The following GOLM2 variants were observed in gnomAD, a reference collection of about 807,000 sequenced individuals.
The protein encoded by GOLM2 is protein GOLM2.
GOLM2 carries 26 observed loss-of-function variants against 55.9 expected under a neutral mutation model. The observed-to-expected ratio is 0.47, with a 90% CI of 0.34 to 0.65. The LOEUF (loss-of-function observed/expected upper bound fraction) is 0.65, where lower values mean the gene tolerates loss of function less well. Ranked by LOEUF, GOLM2 falls within the 30% of genes least tolerant of loss-of-function variation. The pLI is 0.01. For missense variants in GOLM2, 486 were observed against 531.8 expected, an observed-to-expected ratio of 0.91 and a Z score of 0.85; for synonymous variants, 165 against 194.6, an observed-to-expected ratio of 0.85 and a Z score of 1.27.
chr15:44,379,776 A>C lies in GOLM2; in HGVS notation c.889A>C (p.Asn297His). Residue 297 changes from asparagine to histidine, a missense_variant, in exon 7 of 10, where the codon AAT becomes CAT. Asn to His is a moderately conservative substitution (Grantham distance 68, BLOSUM62 1). Transcript: ENST00000299957. ...TCCAACTGGACAACCTCTCTCCCCA[A>C]ATATGCCTCCAGGTATGAAGGCTTA... ...HLPTGQPLSP[N>H]MPPDSHINHN... 1 of 1,604,350 alleles carries C rather than the reference A, an allele frequency of 6.2e-7. No homozygotes were observed. Among genetic ancestry groups the C allele is most frequent in the Non-Finnish European group, 8.5e-7 (1 of 1,171,404 alleles).
At chr15:44,294,571 G>A (rs1262149795) in intron 1 of GOLM2, among the ~76,000 whole-genome samples, 2 of 151,888 alleles carry the variant, frequency 1.3e-5, no homozygotes, top group Admixed American at 6.6e-5. Flanking sequence ...AAAATTAGTC[G>A]GGTATGGTGG....
chr15:44,345,590 A>G (rs1365389890), intron 6 of GOLM2, among the ~76,000 whole-genome samples: 1 of 152,100 alleles, frequency 6.6e-6, no homozygotes, highest in Non-Finnish European at 1.5e-5. Context: ...GTTCTTTAAC[A>G]GTATGCAATG....
At chr15:44,297,197 G>T (rs1323923991) in intron 1 of GOLM2, among the ~76,000 whole-genome samples, 2 of 152,186 alleles carry the variant, frequency 1.3e-5, no homozygotes, top group African/African-American at 2.4e-5. Context: ...GCAGAATAGA[G>T]AACTTGGCAG....
chr15:44,408,639 G>A (rs897448872), intron 9 of GOLM2, among the ~76,000 whole-genome samples: 5 of 152,172 alleles, frequency 3.3e-5, no homozygotes, highest in South Asian at 2.1e-4. Context: ...TCTGTTCCTA[G>A]ACATTTGCTC....
At position 44,363,636 on chromosome 15, in the gene GOLM2, G is replaced by A. The variant is rs547067169; in HGVS notation, c.803-16054G>A. ...TCAACCATTGTGGAAGCAGTGTGGC[G>A]ATTCCTCAGGGATCTAGAACTAGAA... On this transcript the variant is annotated intron_variant, in intron 6 of 9. Transcript: ENST00000299957. 1.9e-3 allele frequency among the ~76,000 whole-genome samples: 288 copies of A among 152,230 alleles called. 1 individual carries two copies. The highest frequency in any genetic ancestry group is 6.6e-3 in the African/African-American group (273 of 41,528).
At chr15:44,300,116 GA>G (rs2078786941) in intron 1 of GOLM2, among the ~76,000 whole-genome samples, 1 of 136,888 alleles carries the variant, frequency 7.3e-6, no homozygotes, top group East Asian at 2.4e-4. Flanking sequence ...GAAAGAAAAG[GA>G]AAAAAGAAAA....
At chr15:44,369,693 T>C (rs377339723) in intron 6 of GOLM2, among the ~76,000 whole-genome samples, 1 of 143,520 alleles carries the variant, frequency 7.0e-6, no homozygotes, top group Non-Finnish European at 1.5e-5. Flanking sequence ...TATATATGCA[T>C]ACACACACAC....
At chr15:44,385,579 C>T (rs1438839283) in intron 8 of GOLM2, among the ~76,000 whole-genome samples, 1 of 152,066 alleles carries the variant, frequency 6.6e-6, no homozygotes, top group Non-Finnish European at 1.5e-5. Flanking sequence ...CAGAATCTAG[C>T]TTTGTCACCC....
intron 3 of GOLM2, 118 bp downstream of exon 3, chr15:44,328,905 T>C: frequency 1.7e-6 from 1 of 594,360 alleles, no homozygotes; most frequent in Admixed American, 3.7e-5. Flanking sequence ...TTTCATTTTG[T>C]TAAGCCTTTT....
intron 6 of GOLM2, among the ~76,000 whole-genome samples, chr15:44,366,296 C>CAAAAAAAAAAAAAAAA (rs34413737): frequency 1.8e-5 from 1 of 55,500 alleles, no homozygotes; most frequent in African/African-American, 6.8e-5. Flanking sequence ...GACTCCGTCT[C>CAAAAAAAAAAAAAAAA]AAAAAAAAAA....
rs2079389533 is a variant in GOLM2 at position 44,379,745 on chromosome 15, C to T, written c.858C>T (p.Ser286=). The T allele has an allele frequency of 1.2e-6, 2 of 1,611,922 alleles. No individual in the cohort carries two copies. Among genetic ancestry groups the T allele is most frequent in the Non-Finnish European group, 1.7e-6 (2 of 1,178,790 alleles). ...AACATGAAAGTCATCAAGCAATCTC[C>T]CATCTTCCAACTGGACAACCTCTCT... ...VSQHESHQAI[S]HLPTGQPLSP... The change falls in exon 7 of 10, where the codon TCC becomes TCT. Residue 286 remains serine (S), a synonymous_variant. Transcript: ENST00000299957.
chr15:44,397,637 T>A (rs1010978129), intron 8 of GOLM2, among the ~76,000 whole-genome samples: 2 of 152,150 alleles, frequency 1.3e-5, no homozygotes, highest in African/African-American at 4.8e-5. Context: ...TATAGCTGTT[T>A]TCTGTAAATA....
Position 44,413,644 on chromosome 15 carries a change from T to C in GOLM2, c.*238T>C. On this transcript the variant is annotated 3_prime_UTR_variant, in exon 10 of 10. Transcript: ENST00000299957. ...ATACAGTTAAGCCAAAAACAGCTAA[T>C]CTTTGCATCTAAAGCAAACTAATGT... 2.5e-6 allele frequency: 1 copy of C among 408,134 alleles called. No homozygotes were observed. Among genetic ancestry groups the C allele is most frequent in the Non-Finnish European group, 4.4e-6 (1 of 225,752 alleles). The allele number at this position is 408,134 out of a possible 1,614,324, so 25.3% of individuals were successfully genotyped here.
chr15:44,332,852 A>G (rs1185686560), intron 4 of GOLM2, among the ~76,000 whole-genome samples: 1 of 152,094 alleles, frequency 6.6e-6, no homozygotes, highest in Non-Finnish European at 1.5e-5. Flanking sequence ...TTATTAATTC[A>G]TTTTAAGTTA....
At chr15:44,410,314 G>A (rs1413431595) in intron 9 of GOLM2, among the ~76,000 whole-genome samples, 2 of 151,856 alleles carry the variant, frequency 1.3e-5, no homozygotes, top group Non-Finnish European at 2.9e-5. Flanking sequence ...GGTGGCGGGC[G>A]CCTGTACTCG....
At chr15:44,334,426 C>T (rs949984635) in intron 4 of GOLM2, among the ~76,000 whole-genome samples, 1 of 151,892 alleles carries the variant, frequency 6.6e-6, no homozygotes, top group Non-Finnish European at 1.5e-5. Context: ...ATTAATTAAC[C>T]AGCCACATGT....
chr15:44,379,618 GTTT>G (rs559031072), intron 6 of GOLM2, 69 bp from the exon 7 acceptor site: 581 of 426,770 alleles, frequency 1.4e-3, no homozygotes, highest in Middle Eastern at 2.2e-3. Context: ...ATTCACGGTG[GTTT>G]TTTTTTTTTT....
chr15:44,392,449 C>T (rs1332594475), intron 8 of GOLM2, among the ~76,000 whole-genome samples: 1 of 151,746 alleles, frequency 6.6e-6, no homozygotes, highest in African/African-American at 2.4e-5. Context: ...ATGGTGAAAC[C>T]CTGTCTCTAC....
At chr15:44,393,325 A>G (rs58756175) in intron 8 of GOLM2, among the ~76,000 whole-genome samples, 4,150 of 152,292 alleles carry the variant, frequency 0.027, 195 homozygotes, top group African/African-American at 0.095. Flanking sequence ...TCTATAAGCT[A>G]CAAAATATTG....
Sources: allele counts gnomAD v4.1 joint callset (sites outside exome capture counted in the v4.1 genomes callset), GRCh38; gene constraint gnomAD v4.1.1; transcripts MANE v1.5; gene names NCBI Gene and HGNC (gene_info 2026-07-23, HGNC 2026-07-21).